The following CMTM7 variants were observed in gnomAD, a reference collection of about 807,000 sequenced individuals.
The protein encoded by CMTM7 is CKLF-like MARVEL transmembrane domain-containing protein 7.
A neutral mutation model predicts 19.3 loss-of-function variants in CMTM7; 7 were observed. The observed-to-expected ratio is 0.36, with a 90% confidence interval of 0.21 to 0.68. The LOEUF is 0.68. Ranked by LOEUF, CMTM7 falls within the 30% of genes least tolerant of loss-of-function variation. CMTM7 has a pLI of 0.60. For synonymous variants in CMTM7, 87 were observed against 99.3 expected (o/e 0.88, Z 0.74); for missense variants, 193 against 232.6 (o/e 0.83, Z 1.11).
At position 32,454,996 on chromosome 3, in the gene CMTM7, G is replaced by T. The variant is rs1696888088; in HGVS notation, c.*742G>T. 1 of 158,352 alleles carries T rather than the reference G, an allele frequency of 6.3e-6. No homozygotes were observed. Among genetic ancestry groups the T allele is most frequent in the African/African-American group, 2.4e-5 (1 of 41,476 alleles). The allele number at this position is 158,352 out of a possible 1,614,324, so 9.8% of individuals were successfully genotyped here. A position where few individuals can be genotyped will look rare whatever the true frequency, so the allele number is the denominator to read the frequency against. On this transcript the variant is annotated 3_prime_UTR_variant, in exon 5 of 5. Coordinates refer to ENST00000334983, the MANE Select transcript of CMTM7 (RefSeq NM_138410.4). ...CTTCAGGTTTTCTCTCCATCTTGGGGGATAGTATAGCAGGGCAGAGTTTTA... is the reference window on the plus strand; with the variant it reads ...CTTCAGGTTTTCTCTCCATCTTGGGTGATAGTATAGCAGGGCAGAGTTTTA...
At chr3:32,424,469 A>G (rs1696395617) in intron 1 of CMTM7, among the ~76,000 whole-genome samples, 2 of 152,160 alleles carry the variant, frequency 1.3e-5, no homozygotes, top group Non-Finnish European at 1.5e-5. Flanking sequence ...TGAGACTAGA[A>G]GTATCGCTGT....
At chr3:32,399,048 G>A (rs1231319659) in intron 1 of CMTM7, among the ~76,000 whole-genome samples, 25 of 152,086 alleles carry the variant, frequency 1.6e-4, no homozygotes. Context: ...GTATCTCTAG[G>A]GCTGGAGGGG....
chr3:32,392,368 A>G (rs1360332758), intron 1 of CMTM7, among the ~76,000 whole-genome samples: 1 of 152,086 alleles, frequency 6.6e-6, no homozygotes, highest in East Asian at 1.9e-4. Flanking sequence ...ACTGACTGAA[A>G]CCACGGGCAA....
At chr3:32,452,919 ATTTTTTTTTTTTTTTTTT>A (rs368112448) in intron 4 of CMTM7, among the ~76,000 whole-genome samples, 2 of 35,322 alleles carry the variant, frequency 5.7e-5, no homozygotes, top group Admixed American at 4.8e-4. Flanking sequence ...CCTAATTTCA[ATTTTTTTTTTTTTTTTTT>A]TTTTTTTTTT....
In CMTM7 at chr3:32,449,302, G is replaced by A. The variant is rs140138068; in HGVS notation, c.334-152G>A. 50 of 664,976 alleles carry A rather than the reference G, an allele frequency of 7.5e-5. No homozygotes were observed. The highest frequency in any genetic ancestry group is 7.2e-4 in the African/African-American group (40 of 55,678). The allele number at this position is 664,976 out of a possible 1,614,324, so 41.2% of individuals were successfully genotyped here. A position where few individuals can be genotyped will look rare whatever the true frequency, so the allele number is the denominator to read the frequency against. ...GTCAGCCCGCATGTTGGCTGCCTGC[G>A]AGCGGCTCTGCTCATCCCATTTGCG... On this transcript the variant is annotated intron_variant, in intron 2 of 4. Coordinates refer to ENST00000334983, the MANE Select transcript of CMTM7 (RefSeq NM_138410.4). This position sits in a 1 kb window ranked among gnomAD's most constrained non-coding sequence, Gnocchi z 4.5.
At chr3:32,437,514 T>G (rs1696614637) in intron 1 of CMTM7, among the ~76,000 whole-genome samples, 1 of 152,226 alleles carries the variant, frequency 6.6e-6, no homozygotes, top group African/African-American at 2.4e-5. Context: ...GGAGAATCGC[T>G]TGAACCCAGA....
At chr3:32,397,356 A>T (rs1695934179) in intron 1 of CMTM7, among the ~76,000 whole-genome samples, 1 of 149,648 alleles carries the variant, frequency 6.7e-6, no homozygotes, top group Non-Finnish European at 1.5e-5. Context: ...TAAAAGCAGA[A>T]CCTATTCTTA....
chr3:32,421,221 G>A (rs1480481459), intron 1 of CMTM7, among the ~76,000 whole-genome samples: 1 of 151,830 alleles, frequency 6.6e-6, no homozygotes, highest in Non-Finnish European at 1.5e-5. Flanking sequence ...TTTTCCTGAA[G>A]AACAATTCTG....
chr3:32,455,486 G>A lies in CMTM7; in HGVS notation c.*1232G>A. 1 of 152,530 alleles carries A rather than the reference G, an allele frequency of 6.6e-6. No homozygotes were observed. The highest frequency in any genetic ancestry group is 1.5e-5 in the Non-Finnish European group (1 of 68,218). The allele number at this position is 152,530 out of a possible 1,614,324, so 9.4% of individuals were successfully genotyped here. ...GAGCTCTGGGGCTACTCTTGTGGCTGCTGGCCAGCTCGGGGCATCGGGTTC... is the reference window on the plus strand; with the variant it reads ...GAGCTCTGGGGCTACTCTTGTGGCTACTGGCCAGCTCGGGGCATCGGGTTC... On this transcript the variant is annotated 3_prime_UTR_variant, in exon 5 of 5. Transcript: ENST00000334983.
rs1237837506 is a variant in CMTM7, at chr3:32,441,834, T to C, written c.160-6T>C. On this transcript the variant is annotated splice_region_variant and splice_polypyrimidine_tract_variant and intron_variant, in intron 1 of 4. Coordinates refer to ENST00000334983, the MANE Select transcript of CMTM7 (RefSeq NM_138410.4). ...CATTTCTCTGATGTCTCTATTTATG[T>C]GGCAGGTCACCCTGCTGATTGCCTT... The C allele has an allele frequency of 6.2e-7, 1 of 1,613,482 alleles. No individual in the cohort carries two copies. The highest frequency in any genetic ancestry group is 1.7e-5 in the Admixed American group (1 of 59,966).
At chr3:32,404,120 T>G (rs992781966) in intron 1 of CMTM7, among the ~76,000 whole-genome samples, 8 of 152,084 alleles carry the variant, frequency 5.3e-5, no homozygotes, top group African/African-American at 1.9e-4. Flanking sequence ...CAATTTCCCT[T>G]TGTTTAATCT....
intron 4 of CMTM7, 27 bp from the exon 5 acceptor site, chr3:32,454,214 T>G (rs1696876639): frequency 6.3e-7 from 1 of 1,580,734 alleles, no homozygotes; most frequent in Non-Finnish European, 8.6e-7. Context: ...CCTGGCAAGC[T>G]GTCCTGACTG....
chr3:32,423,383 C>G (rs1453177811), intron 1 of CMTM7, among the ~76,000 whole-genome samples: 1 of 152,174 alleles, frequency 6.6e-6, no homozygotes, highest in Non-Finnish European at 1.5e-5. Flanking sequence ...GTAGAACTCT[C>G]TTTTCAAATG....
At chr3:32,447,204 A>G (rs1365878832) in intron 2 of CMTM7, among the ~76,000 whole-genome samples, 5 of 151,980 alleles carry the variant, frequency 3.3e-5, no homozygotes, top group Non-Finnish European at 7.4e-5. Flanking sequence ...ATGTTGTTTA[A>G]TCTCTATATA....
At chr3:32,425,045 G>A (rs1324463717) in intron 1 of CMTM7, among the ~76,000 whole-genome samples, 1 of 152,170 alleles carries the variant, frequency 6.6e-6, no homozygotes, top group Non-Finnish European at 1.5e-5. Flanking sequence ...TTAAGAAGCA[G>A]ACCTTGCAGC....
At chr3:32,407,478 G>A (rs1314384616) in intron 1 of CMTM7, among the ~76,000 whole-genome samples, 1 of 152,108 alleles carries the variant, frequency 6.6e-6, no homozygotes, top group Non-Finnish European at 1.5e-5. Context: ...CAAATAACTC[G>A]ACCACATCTT....
At chr3:32,413,105 C>A (rs1696204383) in intron 1 of CMTM7, among the ~76,000 whole-genome samples, 2 of 152,234 alleles carry the variant, frequency 1.3e-5, no homozygotes, top group African/African-American at 4.8e-5. Context: ...CAAACCCATT[C>A]ATTCATGTAT....
At chr3:32,408,238 A>G (rs1463142175) in intron 1 of CMTM7, among the ~76,000 whole-genome samples, 1 of 152,240 alleles carries the variant, frequency 6.6e-6, no homozygotes, top group Non-Finnish European at 1.5e-5. Flanking sequence ...GTGAGAGAAT[A>G]GATTTCTGTT....
chr3:32,426,594 T>A (rs1696436525), intron 1 of CMTM7, among the ~76,000 whole-genome samples: 1 of 151,270 alleles, frequency 6.6e-6, no homozygotes, highest in South Asian at 2.1e-4. Flanking sequence ...TATGCCTGAT[T>A]TTTTTTTTCT....
Sources: allele counts gnomAD v4.1 joint callset (sites outside exome capture counted in the v4.1 genomes callset), GRCh38; gene constraint gnomAD v4.1.1; non-coding constraint Gnocchi (gnomAD v3.1); transcripts MANE v1.5; gene names NCBI Gene and HGNC (gene_info 2026-07-23, HGNC 2026-07-21).